KALRN: variants seen among roughly 807,000 people sequenced by gnomAD.
KALRN encodes the protein kalirin.
A neutral mutation model predicts 353.7 loss-of-function variants in KALRN; 70 were observed. The observed-to-expected ratio is 0.20, with a 90% CI of 0.16 to 0.24. KALRN has a LOEUF of 0.24. Ranked by LOEUF, KALRN falls within the 10% of genes least tolerant of loss-of-function variation. The pLI is 1.00. For synonymous variants in KALRN, 1,391 were observed against 1,434.8 expected, an observed-to-expected ratio of 0.97 and a Z score of 0.69; for missense variants, 2,791 against 3,756.7, an observed-to-expected ratio of 0.74 and a Z score of 6.72.
intron 1 of KALRN, among the ~76,000 whole-genome samples, chr3:124,101,768 G>A (rs1437616469): frequency 6.6e-6 from 1 of 152,094 alleles, no homozygotes; most frequent in Non-Finnish European, 1.5e-5. Flanking sequence ...CTTGCCTGCT[G>A]CTCAGCTATC....
intron 34 of KALRN, among the ~76,000 whole-genome samples, chr3:124,597,714 A>G (rs1272892098): frequency 1.3e-5 from 2 of 152,220 alleles, no homozygotes; most frequent in African/African-American, 4.8e-5. Flanking sequence ...AAATATTTAA[A>G]GCATCTCAAT....
At chr3:124,448,732 C>A (rs951358640) in intron 21 of KALRN, among the ~76,000 whole-genome samples, 1 of 152,160 alleles carries the variant, frequency 6.6e-6, no homozygotes, top group African/African-American at 2.4e-5. Flanking sequence ...CTGGCACAGA[C>A]CATCTCTCCT....
At chr3:124,640,252 G>T (rs986272495) in intron 37 of KALRN, among the ~76,000 whole-genome samples, 6 of 151,430 alleles carry the variant, frequency 4.0e-5, no homozygotes, top group African/African-American at 1.5e-4. Flanking sequence ...CACATCATGA[G>T]CTGTGTGTGA....
chr3:124,039,375 C>T (rs192606842), intron 1 of KALRN, among the ~76,000 whole-genome samples: 10 of 152,290 alleles, frequency 6.6e-5, no homozygotes, highest in Non-Finnish European at 1.5e-4. Flanking sequence ...TTAGCCTTTC[C>T]ATACATGAAG....
At chr3:124,384,707 G>T (rs2087933430) in intron 10 of KALRN, 138 bp from the exon 11 acceptor site, 2 of 777,842 alleles carry the variant, frequency 2.6e-6, no homozygotes, top group Non-Finnish European at 4.0e-6. Flanking sequence ...CCAGCTCCGC[G>T]CACCGCGCCT....
chr3:124,134,166 C>G (rs2065647659), intron 1 of KALRN, among the ~76,000 whole-genome samples: 3 of 152,174 alleles, frequency 2.0e-5, no homozygotes. Flanking sequence ...CAGCGTGATA[C>G]TGGCATAAAA....
At chr3:124,205,137 TG>T (rs1172485212) in intron 1 of KALRN, among the ~76,000 whole-genome samples, 3 of 152,236 alleles carry the variant, frequency 2.0e-5, no homozygotes, top group African/African-American at 7.2e-5. Context: ...AGTGACGTGC[TG>T]GCAATGTTTC....
chr3:124,046,513 T>C (rs767107720), intron 1 of KALRN, among the ~76,000 whole-genome samples: 19 of 152,338 alleles, frequency 1.2e-4, no homozygotes, highest in Non-Finnish European at 2.6e-4. Context: ...GGATCCATTC[T>C]CTGGAGAGTG....
At chr3:124,098,164 C>G (rs2061584112) in intron 1 of KALRN, among the ~76,000 whole-genome samples, 1 of 152,180 alleles carries the variant, frequency 6.6e-6, no homozygotes, top group Admixed American at 6.5e-5. Context: ...GAGCATCAGG[C>G]AGTGTTTCCC....
At chr3:124,650,428 C>G (rs749260657) in intron 37 of KALRN, among the ~76,000 whole-genome samples, 3 of 152,206 alleles carry the variant, frequency 2.0e-5, no homozygotes, top group Non-Finnish European at 4.4e-5. Flanking sequence ...TTCTTTTACC[C>G]TTAGTTCCCT....
chr3:124,159,800 A>T (rs1250865109), intron 1 of KALRN, among the ~76,000 whole-genome samples: 1 of 151,966 alleles, frequency 6.6e-6, no homozygotes, highest in African/African-American at 2.4e-5. Context: ...CTCTCTGGAC[A>T]ATTTAGCATC....
At chr3:124,379,374 T>C (rs1194160351) in intron 10 of KALRN, among the ~76,000 whole-genome samples, 1 of 152,144 alleles carries the variant, frequency 6.6e-6, no homozygotes, top group Non-Finnish European at 1.5e-5. Context: ...TTCTCATAGG[T>C]GAGATTTTCC....
intron 13 of KALRN, among the ~76,000 whole-genome samples, chr3:124,411,774 A>G (rs1052753739): frequency 3.3e-5 from 5 of 152,180 alleles, no homozygotes; most frequent in African/African-American, 1.2e-4. Context: ...AATCTATTTT[A>G]GCCTCATCAG....
chr3:124,574,802 TG>T (rs1389762048), intron 34 of KALRN, among the ~76,000 whole-genome samples: 1 of 152,216 alleles, frequency 6.6e-6, no homozygotes, highest in African/African-American at 2.4e-5. Flanking sequence ...TGGACAATCT[TG>T]GGATGTGCCC....
At chr3:124,576,112 A>T (rs2074064605) in intron 34 of KALRN, among the ~76,000 whole-genome samples, 2 of 151,458 alleles carry the variant, frequency 1.3e-5, no homozygotes, top group Non-Finnish European at 2.9e-5. Flanking sequence ...TCTTGCTGTC[A>T]CACTTCCTTC....
chr3:124,331,638 T>TATAAC (rs5852402), intron 8 of KALRN, among the ~76,000 whole-genome samples: 71,036 of 151,536 alleles, frequency 0.47, 17,978 homozygotes, highest in African/African-American at 0.66. Context: ...CTTTCTGTCT[T>TATAAC]AGAACTGTGC....
intron 1 of KALRN, among the ~76,000 whole-genome samples, chr3:124,202,816 C>T (rs2076077691): frequency 6.6e-6 from 1 of 152,148 alleles, no homozygotes; most frequent in African/African-American, 2.4e-5. Flanking sequence ...AAATGTGATT[C>T]CCTTAATTCC....
At chr3:124,120,360 G>A (rs1002603465) in intron 1 of KALRN, among the ~76,000 whole-genome samples, 11 of 152,162 alleles carry the variant, frequency 7.2e-5, no homozygotes, top group African/African-American at 2.7e-4. Flanking sequence ...CAATCCACAG[G>A]TGGTTTAGGT....
chr3:124,634,813 T>C (rs1412164162), intron 36 of KALRN, among the ~76,000 whole-genome samples: 1 of 152,182 alleles, frequency 6.6e-6, no homozygotes, highest in Non-Finnish European at 1.5e-5. Context: ...AGTGCTGTTT[T>C]GTTGCAGTGG....
Sources: gnomAD v4.1 joint callset for allele counts (sites outside exome capture counted in the v4.1 genomes callset) on GRCh38, gnomAD v4.1.1 for gene constraint, MANE v1.5 for transcripts, NCBI Gene and HGNC (gene_info 2026-07-23, HGNC 2026-07-21) for gene names.